The following ODAD4 variants were observed in gnomAD, a reference collection of about 807,000 sequenced individuals.
ODAD4 encodes outer dynein arm docking complex subunit 4.
In ODAD4, 49 loss-of-function variants were observed where a neutral mutation model predicts 51.8. The ratio of observed to expected loss-of-function variants is 0.95; its 90% CI spans 0.75 to 1.20. ODAD4 has a LOEUF of 1.20. Among genes scored for constraint, ODAD4 ranks in the 50% most tolerant of loss-of-function variants. The pLI is 0.00. For synonymous variants in ODAD4, 235 were observed against 221.3 expected (o/e 1.06, Z -0.55); for missense variants, 590 against 586.5 (o/e 1.01, Z -0.06).
chr17:41,951,092 T>TA (rs1315373288), intron 9 of ODAD4, among the ~76,000 whole-genome samples: 65 of 149,026 alleles, frequency 4.4e-4, no homozygotes, highest in African/African-American at 1.5e-3. Context: ...ATTTTCTTCT[T>TA]TTTTTTTTTT....
intron 1 of ODAD4, among the ~76,000 whole-genome samples, chr17:41,931,626 C>T (rs1472595099): frequency 1.3e-5 from 2 of 152,080 alleles, no homozygotes; most frequent in Non-Finnish European, 2.9e-5. Flanking sequence ...CTGCAACTTC[C>T]GCCTCCCCAG....
intron 11 of ODAD4, among the ~76,000 whole-genome samples, chr17:41,964,640 T>G (rs1395803674): frequency 6.6e-6 from 1 of 152,054 alleles, no homozygotes; most frequent in African/African-American, 2.4e-5. Flanking sequence ...AGTTTCTTTC[T>G]TTTTTTTCTT....
intron 11 of ODAD4, among the ~76,000 whole-genome samples, chr17:41,964,422 C>A (rs530349792): frequency 6.6e-6 from 1 of 152,102 alleles, no homozygotes; most frequent in Middle Eastern, 3.2e-3. Flanking sequence ...AACGGCAGTG[C>A]GCATTTTCAT....
At chr17:41,958,921 G>A (rs1239709226) in intron 10 of ODAD4, among the ~76,000 whole-genome samples, 2 of 151,776 alleles carry the variant, frequency 1.3e-5, no homozygotes, top group Non-Finnish European at 2.9e-5. Context: ...GGCTGAAGCA[G>A]GAGAATTGCT....
intron 10 of ODAD4, among the ~76,000 whole-genome samples, chr17:41,956,046 G>C (rs2050727526): frequency 7.1e-6 from 1 of 140,566 alleles, no homozygotes; most frequent in Admixed American, 7.1e-5. Context: ...ACTGTACTTA[G>C]CTTTTTTTTT....
chr17:41,964,387 G>T (rs1214992957), intron 11 of ODAD4, among the ~76,000 whole-genome samples: 1 of 152,014 alleles, frequency 6.6e-6, no homozygotes, highest in Admixed American at 6.6e-5. Flanking sequence ...ATCGATCTCA[G>T]GTCCCTTGAC....
At chr17:41,943,922 CAA>C (rs2144507536) in intron 7 of ODAD4, among the ~76,000 whole-genome samples, 1 of 152,096 alleles carries the variant, frequency 6.6e-6, no homozygotes, top group South Asian at 2.1e-4. Flanking sequence ...GGAAACGTGG[CAA>C]AACTCCATCT....
chr17:41,939,483 T>G (rs1052011408), intron 7 of ODAD4, among the ~76,000 whole-genome samples: 6 of 152,222 alleles, frequency 3.9e-5, no homozygotes, highest in African/African-American at 1.4e-4. Context: ...ACATGCCAGA[T>G]GCTGCTAGTG....
intron 3 of ODAD4, 65 bp from the exon 4 acceptor site, chr17:41,936,408 A>G: frequency 8.2e-7 from 1 of 1,217,240 alleles, no homozygotes; most frequent in Non-Finnish European, 1.2e-6. Context: ...TTTCTACATA[A>G]AAATATGTGA....
chr17:41,932,203 G>A (rs2050354506), intron 1 of ODAD4, among the ~76,000 whole-genome samples: 1 of 152,100 alleles, frequency 6.6e-6, no homozygotes, highest in Admixed American at 6.6e-5. Flanking sequence ...CCGAGTAGCT[G>A]GGATCCCAGG....
chr17:41,936,612 A>C (rs1427040904), intron 4 of ODAD4, 78 bp downstream of exon 4: 2 of 1,514,056 alleles, frequency 1.3e-6, no homozygotes, highest in Non-Finnish European at 1.8e-6. Flanking sequence ...TTGGGAGTCT[A>C]GCTGCAACCT....
At chr17:41,932,819 C>T (rs951028964) in intron 1 of ODAD4, among the ~76,000 whole-genome samples, 1 of 151,028 alleles carries the variant, frequency 6.6e-6, no homozygotes, top group African/African-American at 2.4e-5. Context: ...CCCGCTTTGG[C>T]CTCACAAAGT....
At chr17:41,931,193 C>T (rs1189254533) in intron 1 of ODAD4, among the ~76,000 whole-genome samples, 3 of 152,062 alleles carry the variant, frequency 2.0e-5, no homozygotes, top group Non-Finnish European at 1.5e-5. Flanking sequence ...CTGCGCCTGC[C>T]CCCTGCCCTC....
At chr17:41,944,409 C>T (rs934568921) in intron 7 of ODAD4, among the ~76,000 whole-genome samples, 1 of 9,416 alleles carries the variant, frequency 1.1e-4, no homozygotes, top group African/African-American at 2.1e-4. Flanking sequence ...CACACACACA[C>T]ACACACACAC....
At chr17:41,935,372 G>C in intron 2 of ODAD4, 24 bp downstream of exon 2, 1 of 1,610,984 alleles carries the variant, frequency 6.2e-7, no homozygotes, top group Non-Finnish European at 8.5e-7. Context: ...CGGGAGGACT[G>C]GATCCTGCCA....
chr17:41,932,367 A>G (rs1323632411), intron 1 of ODAD4, among the ~76,000 whole-genome samples: 1 of 151,948 alleles, frequency 6.6e-6, no homozygotes, highest in Admixed American at 6.6e-5. Flanking sequence ...CACCCCACCC[A>G]GTGCATACTC....
At chr17:41,964,224 C>T (rs2050844534) in intron 11 of ODAD4, among the ~76,000 whole-genome samples, 2 of 152,066 alleles carry the variant, frequency 1.3e-5, no homozygotes, top group Non-Finnish European at 2.9e-5. Context: ...CCATGCCCAG[C>T]TTATTTTTGT....
Position 41,944,423 on chromosome 17 carries a change from CACACACACACACACACACACA to C in ODAD4, c.1059-712_1059-692del, listed in dbSNP as rs782058127. Among the ~76,000 whole-genome samples the C allele has an allele frequency of 1.8e-3, 15 of 8,248 alleles. No homozygotes were observed. In the East Asian group the frequency reaches 0.12, roughly 67 times the overall value. 5.4% of individuals were successfully genotyped at this position (8,248 alleles called of 152,430 possible). On this transcript the variant is annotated intron_variant, in intron 7 of 11. Transcript: ENST00000377540. Reference sequence around the variant, plus strand: ...ACACACACACACACACACACACACACACACACACACACACACACACACCCCCCCGCATACACAGAAATTGCC... The same window carrying C: ...ACACACACACACACACACACACACACCCCCCCCGCATACACAGAAATTGCC...
In ODAD4 at chr17:41,943,567, G is replaced by C. The variant is rs374673462; in HGVS notation, c.1059-1569G>C. On this transcript the variant is annotated intron_variant, in intron 7 of 11. Coordinates refer to ENST00000377540, the MANE Select transcript of ODAD4 (RefSeq NM_031421.5). Reference sequence around the variant, plus strand: ...TCTTGAGGGTGAGGGAGAATATATCGTATCAGGGTGGAGCAGGAACAAATC... The same window carrying C: ...TCTTGAGGGTGAGGGAGAATATATCCTATCAGGGTGGAGCAGGAACAAATC... 3.3e-5 allele frequency among the ~76,000 whole-genome samples: 5 copies of C among 152,326 alleles called. No individual in the cohort carries two copies. The East Asian group carries it at 5.8e-4, about 18-fold the overall frequency.
Sources: gnomAD v4.1 joint callset for allele counts (sites outside exome capture counted in the v4.1 genomes callset) on GRCh38, gnomAD v4.1.1 for gene constraint, MANE v1.5 for transcripts, NCBI Gene and HGNC (gene_info 2026-07-23, HGNC 2026-07-21) for gene names.